Variants in AK9 observed in about 807,000 individuals in gnomAD.
The protein encoded by AK9 is adenylate kinase 9.
Under a neutral mutation model 239.6 loss-of-function variants are expected in AK9, and 191 were observed. That is an observed-to-expected ratio of 0.80 (90% CI 0.71 to 0.90). AK9 has a LOEUF of 0.90. Ranked by LOEUF, AK9 falls within the 40% of genes least tolerant of loss-of-function variation. The probability of loss-of-function intolerance (pLI) is 0.00; values close to 1 mark genes in which losing one functional copy is unlikely to be tolerated. For missense variants in AK9, 1,995 were observed against 2,214.7 expected (o/e 0.90, Z 1.99); for synonymous variants, 689 against 721.0 (o/e 0.96, Z 0.71).
intron 21 of AK9, 102 bp from the exon 22 acceptor site, chr6:109,564,947 T>C (rs1786272946): frequency 2.3e-6 from 2 of 866,450 alleles, no homozygotes; most frequent in Admixed American, 3.2e-5. Flanking sequence ...TTAAATTGTA[T>C]ATGAAATGCC....
intron 24 of AK9, among the ~76,000 whole-genome samples, chr6:109,555,882 A>C (rs1364701306): frequency 1.3e-5 from 2 of 151,628 alleles, no homozygotes; most frequent in Non-Finnish European, 2.9e-5. Context: ...CCATCCCTTT[A>C]TTTTGAGCCT....
intron 33 of AK9, among the ~76,000 whole-genome samples, chr6:109,508,368 A>G (rs1476055907): frequency 1.3e-5 from 2 of 152,160 alleles, no homozygotes; most frequent in Non-Finnish European, 2.9e-5. Context: ...TTTTTGACTC[A>G]ACCATGATTG....
chr6:109,648,427 G>C (rs966537644), intron 8 of AK9, among the ~76,000 whole-genome samples: 2 of 152,170 alleles, frequency 1.3e-5, no homozygotes, highest in African/African-American at 4.8e-5. Context: ...CAATCCCACA[G>C]AAATAGAAAC....
chr6:109,619,338 A>G lies in AK9; in HGVS notation c.1255-102T>C. On this transcript the variant is annotated intron_variant, in intron 12 of 40. Transcript: ENST00000424296. ...TATATCTATCTATATTTCTATCTCTATTCCAAAAATATTAATACTGCTTGA... is the reference window on the plus strand; with the variant it reads ...TATATCTATCTATATTTCTATCTCTGTTCCAAAAATATTAATACTGCTTGA... 4.1e-6 allele frequency: 5 copies of G among 1,233,450 alleles called. No individual in the cohort carries two copies. The South Asian group carries it at 1.0e-4, about 25-fold the overall frequency. 76.4% of individuals were successfully genotyped at this position (1,233,450 alleles called of 1,614,324 possible). A position where few individuals can be genotyped will look rare whatever the true frequency, so the allele number is the denominator to read the frequency against.
At chr6:109,498,541 T>G (rs1777293009) in intron 36 of AK9, among the ~76,000 whole-genome samples, 1 of 152,246 alleles carries the variant, frequency 6.6e-6, no homozygotes, top group Admixed American at 6.5e-5. Flanking sequence ...TCTTTTAAAA[T>G]CATCAAATTT....
At chr6:109,525,019 T>G (rs1780304128) in intron 29 of AK9, among the ~76,000 whole-genome samples, 1 of 152,234 alleles carries the variant, frequency 6.6e-6, no homozygotes, top group South Asian at 2.1e-4. Context: ...CATTTAAATC[T>G]TTAATCCATT....
At chr6:109,538,146 T>C (rs1267270134) in intron 27 of AK9, among the ~76,000 whole-genome samples, 1 of 151,790 alleles carries the variant, frequency 6.6e-6, no homozygotes, top group Non-Finnish European at 1.5e-5. Context: ...CTGAGTTCAA[T>C]TCCTGGATAT....
intron 17 of AK9, among the ~76,000 whole-genome samples, chr6:109,609,108 A>ACCATCTAAT (rs1288310853): frequency 6.6e-6 from 1 of 152,238 alleles, no homozygotes; most frequent in Non-Finnish European, 1.5e-5. Flanking sequence ...GCTACAGTTT[A>ACCATCTAAT]CCATCTAATA....
At chr6:109,567,848 A>G (rs1786795554) in intron 21 of AK9, among the ~76,000 whole-genome samples, 1 of 150,312 alleles carries the variant, frequency 6.7e-6, no homozygotes, top group Admixed American at 6.7e-5. Context: ...AAACCTGCAC[A>G]TTGTGCACAT....
intron 12 of AK9, among the ~76,000 whole-genome samples, chr6:109,624,373 ATGCACTACATCCTC>A (rs1193098332): frequency 6.6e-6 from 1 of 152,048 alleles, no homozygotes; most frequent in Non-Finnish European, 1.5e-5. Flanking sequence ...CCCCATTTTG[ATGCACTACATCCTC>A]TAGTAGCTTC....
chr6:109,640,615 C>T (rs990668227), intron 10 of AK9, among the ~76,000 whole-genome samples: 4 of 151,596 alleles, frequency 2.6e-5, no homozygotes, highest in East Asian at 1.9e-4. Flanking sequence ...GCCAGAGTCT[C>T]GCTATGTCCC....
chr6:109,664,401 A>G (rs1800872173), intron 5 of AK9, among the ~76,000 whole-genome samples: 2 of 152,082 alleles, frequency 1.3e-5, no homozygotes, highest in Admixed American at 6.6e-5. Flanking sequence ...GAACATGCTC[A>G]TCACAATCTT....
chr6:109,670,956 C>T (rs991086887), intron 5 of AK9, among the ~76,000 whole-genome samples: 4 of 151,862 alleles, frequency 2.6e-5, no homozygotes, highest in Non-Finnish European at 5.9e-5. Context: ...ATATTAATCT[C>T]TATATATGTA....
intron 20 of AK9, among the ~76,000 whole-genome samples, chr6:109,576,623 C>T (rs1788126983): frequency 6.6e-6 from 1 of 151,736 alleles, no homozygotes; most frequent in African/African-American, 2.4e-5. Flanking sequence ...ATCATATCAT[C>T]AATGAACAGC....
At chr6:109,592,031 G>C (rs1323349379) in intron 17 of AK9, among the ~76,000 whole-genome samples, 2 of 152,102 alleles carry the variant, frequency 1.3e-5, no homozygotes, top group Admixed American at 6.5e-5. Context: ...CATTAGAATT[G>C]TCTATTTCAG....
chr6:109,541,928 C>T lies in AK9; in HGVS notation c.3350+119G>A. The stretch of plus-strand genomic sequence containing the variant: ...AATGTGTATCTCAAGTGAAAAATCA[C>T]CAGCTTACATGAATATAAAGGAGAA... On this transcript the variant is annotated intron_variant, in intron 27 of 40. Coordinates refer to ENST00000424296, the MANE Select transcript of AK9 (RefSeq NM_001145128.3). 7.8e-6 allele frequency: 7 copies of T among 900,720 alleles called. No homozygotes were observed. In the Admixed American group the frequency reaches 1.1e-4, roughly 14 times the overall value. 55.8% of individuals were successfully genotyped at this position (900,720 alleles called of 1,614,324 possible).
chr6:109,566,473 G>C (rs1411769161), intron 21 of AK9, among the ~76,000 whole-genome samples: 1 of 152,012 alleles, frequency 6.6e-6, no homozygotes, highest in Admixed American at 6.6e-5. Flanking sequence ...TGTATGCTTG[G>C]AGTACTAAAA....
At chr6:109,536,748 A>G (rs1036272580) in intron 27 of AK9, among the ~76,000 whole-genome samples, 5 of 152,084 alleles carry the variant, frequency 3.3e-5, no homozygotes, top group African/African-American at 9.7e-5. Context: ...GTTTGTCACA[A>G]ATAGCTCTTA....
At chr6:109,554,337 T>G (rs967467462) in intron 24 of AK9, among the ~76,000 whole-genome samples, 1 of 152,138 alleles carries the variant, frequency 6.6e-6, no homozygotes, top group African/African-American at 2.4e-5. Context: ...GGGCTTTTTA[T>G]GGTTGGTAGG....
Sources: gnomAD v4.1 joint callset for allele counts (sites outside exome capture counted in the v4.1 genomes callset) on GRCh38, gnomAD v4.1.1 for gene constraint, MANE v1.5 for transcripts, NCBI Gene and HGNC (gene_info 2026-07-23, HGNC 2026-07-21) for gene names.